TRPV1: variants seen among roughly 807,000 people sequenced by gnomAD.
TRPV1 encodes the protein OTRPC1.
In TRPV1, 82 loss-of-function variants were observed where a neutral mutation model predicts 82.3. The observed-to-expected ratio is 1.00, with a 90% confidence interval of 0.83 to 1.20. The LOEUF (loss-of-function observed/expected upper bound fraction) is 1.20. Among genes scored for constraint, TRPV1 ranks in the 50% most tolerant of loss-of-function variants. TRPV1 has a pLI of 0.00. For missense variants in TRPV1, 1,067 were observed against 1,096.8 expected, an observed-to-expected ratio of 0.97 and a Z score of 0.38; for synonymous variants, 515 against 467.7, an observed-to-expected ratio of 1.10 and a Z score of -1.30.
chr17:3,606,214 G>A (rs1461868799), intron 2 of TRPV1, among the ~76,000 whole-genome samples: 1 of 152,098 alleles, frequency 6.6e-6, no homozygotes, highest in Non-Finnish European at 1.5e-5. Flanking sequence ...CGCCCTCCTC[G>A]GCCTCCCGAA....
At chr17:3,606,906 G>A (rs961555818) in intron 2 of TRPV1, among the ~76,000 whole-genome samples, 1 of 152,246 alleles carries the variant, frequency 6.6e-6, no homozygotes, top group Admixed American at 6.5e-5. Flanking sequence ...TGCTGGGCAG[G>A]CGAGACAGGC....
At chr17:3,588,152 C>G in intron 8 of TRPV1, 36 bp downstream of exon 8, 1 of 1,541,034 alleles carries the variant, frequency 6.5e-7, no homozygotes, top group East Asian at 2.5e-5. Flanking sequence ...GTGCAGAGGC[C>G]CTGAGGCCCT....
At chr17:3,594,311 A>G (rs184084330) in intron 2 of TRPV1, among the ~76,000 whole-genome samples, 2 of 151,628 alleles carry the variant, frequency 1.3e-5, no homozygotes, top group African/African-American at 2.4e-5. Flanking sequence ...AGGCTTCTCA[A>G]GTCCTGCATT....
chr17:3,575,447 C>A (rs897475257), intron 13 of TRPV1, among the ~76,000 whole-genome samples: 1 of 151,298 alleles, frequency 6.6e-6, no homozygotes, highest in Non-Finnish European at 1.5e-5. Flanking sequence ...GGCACCACTG[C>A]ATGCCAGCCT....
At chr17:3,577,496 C>T in intron 12 of TRPV1, 102 bp downstream of exon 12, 3 of 1,399,486 alleles carry the variant, frequency 2.1e-6, no homozygotes, top group Non-Finnish European at 2.9e-6. Flanking sequence ...CCAGCCCCTT[C>T]CCAGGCACGA....
intron 10 of TRPV1, 67 bp from the exon 11 acceptor site, chr17:3,580,594 A>C (rs2074994661): frequency 6.5e-7 from 1 of 1,530,296 alleles, no homozygotes; most frequent in African/African-American, 1.4e-5. Context: ...GAGCACTCAG[A>C]TGCTTCCTAA....
intron 2 of TRPV1, among the ~76,000 whole-genome samples, chr17:3,599,942 A>G (rs1449350985): frequency 1.3e-5 from 2 of 152,178 alleles, no homozygotes; most frequent in African/African-American, 4.8e-5. Context: ...AAGGCTGAGT[A>G]ATATTCCACT....
intron 5 of TRPV1, 54 bp downstream of exon 5, chr17:3,590,910 C>G (rs2075148234): frequency 2.6e-6 from 4 of 1,509,722 alleles, no homozygotes; most frequent in Non-Finnish European, 2.7e-6. Flanking sequence ...ACCATGCCCC[C>G]CTGCTTCCCG....
At chr17:3,595,810 G>A (rs1046792657) in intron 2 of TRPV1, 1 of 152,212 alleles carries the variant, frequency 6.6e-6, no homozygotes, top group African/African-American at 2.4e-5. Flanking sequence ...GACAAACGCT[G>A]AATCTATACT....
rs757893656 is a variant in TRPV1 at position 3,591,372 on chromosome 17, G to A, written c.285-19C>T. Reference sequence around the variant, plus strand: ...CAGCAGCCTGTGGGCCAGAAAACACGCTCGTCTCATACCCTGGCCTCCCCT... The same window carrying A: ...CAGCAGCCTGTGGGCCAGAAAACACACTCGTCTCATACCCTGGCCTCCCCT... On this transcript the variant is annotated intron_variant, in intron 3 of 16. Coordinates refer to ENST00000572705, the MANE Select transcript of TRPV1 (RefSeq NM_080704.4). 10 of 1,553,180 alleles carry A rather than the reference G, an allele frequency of 6.4e-6. No individual in the cohort carries two copies. The highest frequency in any genetic ancestry group is 3.5e-4 in the Middle Eastern group (2 of 5,708).
Position 3,566,715 on chromosome 17 carries a change from G to T in TRPV1, c.*100C>A. On this transcript the variant is annotated 3_prime_UTR_variant, in exon 17 of 17. Transcript: ENST00000572705. ...GAACATGCTGGGCAGGCACAGACCA[G>T]GCCAGGCTGCTGACAGAGCACTGGT... 6.9e-7 allele frequency: 1 copy of T among 1,449,506 alleles called. No homozygotes were observed. Among genetic ancestry groups the T allele is most frequent in the Non-Finnish European group, 9.3e-7 (1 of 1,069,690 alleles). The allele number at this position is 1,449,506 out of a possible 1,614,324, so 89.8% of individuals were successfully genotyped here. A position where few individuals can be genotyped will look rare whatever the true frequency, so the allele number is the denominator to read the frequency against.
intron 8 of TRPV1, 22 bp from the exon 9 acceptor site, chr17:3,585,948 G>A (rs1197223049): frequency 1.2e-6 from 2 of 1,613,186 alleles, no homozygotes; most frequent in South Asian, 1.1e-5. Context: ...GGAGAGAAGT[G>A]AGGTTCCCTC....
Position 3,590,384 on chromosome 17 carries a change from CT to C in TRPV1, c.612del (p.Ala205HisfsTer14). The part of the protein sequence containing the change: ...SYTDSYYKGQ[T>X]ALHIAIERRN... ...CGTCTCTCGATGGCGATGTGCAGTGCTGTCTGGCCTACAGAGGACGCGCACG... is the reference window on the plus strand; with the variant it reads ...CGTCTCTCGATGGCGATGTGCAGTGCGTCTGGCCTACAGAGGACGCGCACG... On this transcript the variant is annotated frameshift_variant, in exon 6 of 17. Coordinates refer to ENST00000572705, the MANE Select transcript of TRPV1 (RefSeq NM_080704.4). LOFTEE classifies it high-confidence loss of function. 1.9e-6 allele frequency: 3 copies of C among 1,613,752 alleles called. No individual in the cohort carries two copies. The highest frequency in any genetic ancestry group is 2.5e-6 in the Non-Finnish European group (3 of 1,179,838).
At chr17:3,588,827 A>AAC (rs2075116549) in intron 7 of TRPV1, 9 of 1,272,580 alleles carry the variant, frequency 7.1e-6, no homozygotes, top group East Asian at 2.8e-5. Flanking sequence ...AAAAAAAAAA[A>AAC]AAACAAAACA....
chr17:3,597,400 C>G (rs531119785), intron 2 of TRPV1, among the ~76,000 whole-genome samples: 1 of 152,304 alleles, frequency 6.6e-6, no homozygotes, highest in South Asian at 2.1e-4. Flanking sequence ...AAACTAGCGT[C>G]CTGTAACTGT....
At chr17:3,591,376 G>T in intron 3 of TRPV1, 23 bp from the exon 4 acceptor site, 3 of 1,548,884 alleles carry the variant, frequency 1.9e-6, no homozygotes, top group East Asian at 2.3e-5. Flanking sequence ...AAACACGCTC[G>T]TCTCATACCC....
rs959730738 is a variant in TRPV1 at position 3,570,069 on chromosome 17, A to T, written c.2347+1455T>A. 5.3e-5 allele frequency among the ~76,000 whole-genome samples: 8 copies of T among 151,984 alleles called. No homozygotes were observed. In the South Asian group the frequency reaches 6.2e-4, roughly 12 times the overall value. On this transcript the variant is annotated intron_variant, in intron 16 of 16. Transcript: ENST00000572705. ...GGTCATGGAGTTGTTTTAAGGGCAC[A>T]GAGTTTCCGTGTGGGATGATTAAAA...
intron 3 of TRPV1, 90 bp from the exon 4 acceptor site, chr17:3,591,443 C>T (rs1198341905): frequency 6.3e-6 from 9 of 1,430,512 alleles, no homozygotes; most frequent in Non-Finnish European, 8.4e-6. Context: ...CGACTAAATC[C>T]CAAGGCAAAC....
At chr17:3,591,736 G>A (rs551693033) in intron 3 of TRPV1, among the ~76,000 whole-genome samples, 5 of 152,206 alleles carry the variant, frequency 3.3e-5, no homozygotes, top group Non-Finnish European at 7.3e-5. Context: ...AAGTCAGCCA[G>A]CCTGTGGCCC....
Sources: allele counts gnomAD v4.1 joint callset (sites outside exome capture counted in the v4.1 genomes callset), GRCh38; gene constraint gnomAD v4.1.1; transcripts MANE v1.5; gene names NCBI Gene and HGNC (gene_info 2026-07-23, HGNC 2026-07-21).